The following CDKN2B-AS1 variants were observed in gnomAD, a reference collection of about 807,000 sequenced individuals.
CDKN2B-AS1 encodes the protein CDKN2B antisense RNA 1 (non-protein coding).
chr9:22,053,652 A>C lies in CDKN2B-AS1; in HGVS notation n.303-2600A>C, dbSNP rs7854869. On this transcript the variant is annotated intron_variant and non_coding_transcript_variant, in intron 3 of 4. Coordinates refer to ENST00000650946, the Ensembl canonical transcript of CDKN2B-AS1. The stretch of plus-strand genomic sequence containing the variant: ...CCACTTTCTTTCTTCCCAGTGTAAG[A>C]GAATGCAAGTATATGCTGATGTTTG... Among the ~76,000 whole-genome samples the C allele has an allele frequency of 7.1e-3, 1,087 of 152,328 alleles. 7 individuals are homozygous for C. The highest frequency in any genetic ancestry group is 0.025 in the African/African-American group (1,036 of 41,562).
chr9:22,008,169 G>T (rs757921635), intron 1 of CDKN2B-AS1, among the ~76,000 whole-genome samples: 3 of 152,156 alleles, frequency 2.0e-5, no homozygotes, highest in East Asian at 1.9e-4. Context: ...CCTAACAGTT[G>T]CTGCAGGAAT....
intron 4 of CDKN2B-AS1, among the ~76,000 whole-genome samples, chr9:22,122,144 T>C (rs377470186): frequency 4.6e-5 from 7 of 151,988 alleles, no homozygotes; most frequent in African/African-American, 1.7e-4. Context: ...CACATCTCCC[T>C]GATGATTAGG....
chr9:22,123,660 T>C (rs934526386), intron 4 of CDKN2B-AS1, among the ~76,000 whole-genome samples: 1 of 151,458 alleles, frequency 6.6e-6, no homozygotes, highest in Non-Finnish European at 1.5e-5. Flanking sequence ...CTGACATTGT[T>C]TAACTAGAAG....
At chr9:22,095,056 T>C (rs989348807) in intron 4 of CDKN2B-AS1, among the ~76,000 whole-genome samples, 4 of 145,118 alleles carry the variant, frequency 2.8e-5, no homozygotes, top group Admixed American at 6.7e-5. Context: ...TGCAGGTCTG[T>C]TGGAGTTTGC....
At position 22,006,077 on chromosome 9, in the gene CDKN2B-AS1, G is replaced by A. The variant is rs2131180708; in HGVS notation, n.29+10916G>A. The A allele has an allele frequency of 1.9e-6, 3 of 1,607,042 alleles. No homozygotes were observed. The South Asian group carries it at 3.3e-5, about 18-fold the overall frequency. On this transcript the variant is annotated intron_variant and non_coding_transcript_variant, in intron 1 of 4. Transcript: ENST00000650946. This position sits in a 1 kb window ranked among gnomAD's most constrained non-coding sequence, Gnocchi z 6.4. ...CCACGGGCAGACGACCCCAGGCATC[G>A]CGCACGTCCAGCCGCGCCCCGGCCC...
rs78651848 is a variant in CDKN2B-AS1 at position 22,087,689 on chromosome 9, A to G, written n.438+31302A>G. On this transcript the variant is annotated intron_variant and non_coding_transcript_variant, in intron 4 of 4. Coordinates refer to ENST00000650946, the Ensembl canonical transcript of CDKN2B-AS1. ...TGTTTTCCTAATTTCTGTCATTTGC[A>G]TACCACTTCTTTGATTTTGTCATAT... Among the ~76,000 whole-genome samples the G allele has an allele frequency of 9.1e-3, 1,390 of 152,314 alleles. 108 individuals are homozygous for G. In the East Asian group the frequency reaches 0.19, roughly 21 times the overall value.
chr9:22,042,242 C>A (rs951933974), intron 1 of CDKN2B-AS1, among the ~76,000 whole-genome samples: 2 of 152,052 alleles, frequency 1.3e-5, no homozygotes, highest in African/African-American at 4.8e-5. Context: ...AACATTTGTT[C>A]ATACGTTTAT....
intron 4 of CDKN2B-AS1, among the ~76,000 whole-genome samples, chr9:22,084,952 A>C (rs922801388): frequency 2.6e-5 from 4 of 152,220 alleles, no homozygotes; most frequent in Admixed American, 2.0e-4. Context: ...AGTGACAGAT[A>C]TCTAAGATAA....
chr9:22,072,405 A>G (rs1035914053), intron 4 of CDKN2B-AS1, among the ~76,000 whole-genome samples: 5 of 152,210 alleles, frequency 3.3e-5, no homozygotes, highest in African/African-American at 7.2e-5. Flanking sequence ...GAGCTTTTCA[A>G]TCTCATTTGA....
chr9:22,101,406 GATAA>G (rs201704790), intron 4 of CDKN2B-AS1, among the ~76,000 whole-genome samples: 7,264 of 152,136 alleles, frequency 0.048, 409 homozygotes, highest in African/African-American at 0.14. Flanking sequence ...CTAGAAATGT[GATAA>G]ATGGCCACAG....
At chr9:22,064,794 AC>A (rs1268028192) in intron 4 of CDKN2B-AS1, among the ~76,000 whole-genome samples, 1 of 152,164 alleles carries the variant, frequency 6.6e-6, no homozygotes, top group Non-Finnish European at 1.5e-5. Context: ...GGCCAAACAC[AC>A]AATGGTTTTC....
At position 21,995,759 on chromosome 9, in the gene CDKN2B-AS1, C is replaced by A. The variant is rs553077444; in HGVS notation, n.29+598C>A. On this transcript the variant is annotated intron_variant and non_coding_transcript_variant, in intron 1 of 4. Transcript: ENST00000650946. This position sits in a 1 kb window ranked among gnomAD's most constrained non-coding sequence, Gnocchi z 5.7. ...CGCGGTCTAAGCGAGGCTCGGCTCT[C>A]GTCCAGGAACTCGGACGCGGGCTCG... 36 of 152,372 alleles carry A rather than the reference C, an allele frequency of 2.4e-4. No individual in the cohort carries two copies. Among genetic ancestry groups the A allele is most frequent in the Admixed American group, 1.2e-3 (19 of 15,312 alleles). 9.4% of individuals were successfully genotyped at this position (152,372 alleles called of 1,614,324 possible).
intron 4 of CDKN2B-AS1, among the ~76,000 whole-genome samples, chr9:22,125,084 A>G (rs1817996797): frequency 6.6e-6 from 1 of 152,254 alleles, no homozygotes; most frequent in Non-Finnish European, 1.5e-5. Flanking sequence ...TGCTCACATC[A>G]TTTTAAGATA....
At chr9:22,125,028 C>G (rs1414992257) in intron 4 of CDKN2B-AS1, among the ~76,000 whole-genome samples, 1 of 152,260 alleles carries the variant, frequency 6.6e-6, no homozygotes, top group Non-Finnish European at 1.5e-5. Context: ...CTATGTTTCT[C>G]TCTCACATGT....
At position 22,039,550 on chromosome 9, in the gene CDKN2B-AS1, A is replaced by G. The variant is rs1348456756; in HGVS notation, n.30-7201A>G. 6.6e-6 allele frequency among the ~76,000 whole-genome samples: 1 copy of G among 152,004 alleles called. No individual in the cohort carries two copies. Among genetic ancestry groups the G allele is most frequent in the East Asian group, 1.9e-4 (1 of 5,164 alleles). ...CTTCTAGGAGGTAGAGGCCAGCATT[A>G]TTTTCTCCATTTTTGGAATGAGAAA... On this transcript the variant is annotated intron_variant and non_coding_transcript_variant, in intron 1 of 4. Transcript: ENST00000650946. The surrounding 1 kb of genome is among the most constrained non-coding windows in gnomAD (Gnocchi z 4.4).
chr9:22,060,954 G>T (rs1823792619), intron 4 of CDKN2B-AS1, among the ~76,000 whole-genome samples: 1 of 152,134 alleles, frequency 6.6e-6, no homozygotes, highest in African/African-American at 2.4e-5. Flanking sequence ...CACAAAATGT[G>T]GGAATTCTGG....
At chr9:22,019,945 G>T (rs575311446) in intron 1 of CDKN2B-AS1, among the ~76,000 whole-genome samples, 2 of 152,114 alleles carry the variant, frequency 1.3e-5, no homozygotes, top group Non-Finnish European at 2.9e-5. Context: ...AGGGTTTGTT[G>T]TACAGATTGT....
In CDKN2B-AS1 at chr9:22,000,479, G is replaced by A; in HGVS notation, n.29+5318G>A. Among the ~76,000 whole-genome samples, 1 of 152,160 alleles carries A rather than the reference G, an allele frequency of 6.6e-6. No homozygotes were observed. Among genetic ancestry groups the A allele is most frequent in the East Asian group, 1.9e-4 (1 of 5,204 alleles). ...AGCAAATAATAGAGGATGATCAAAT[G>A]TTTTTCAGAAAATATTATAGGTGGC... On this transcript the variant is annotated intron_variant and non_coding_transcript_variant, in intron 1 of 4. Coordinates refer to ENST00000650946, the Ensembl canonical transcript of CDKN2B-AS1. The surrounding 1 kb of genome is among the most constrained non-coding windows in gnomAD (Gnocchi z 4.1).
chr9:22,127,151 G>A (rs1322671294), exon 5 of CDKN2B-AS1, among the ~76,000 whole-genome samples: 1 of 151,836 alleles, frequency 6.6e-6, no homozygotes, highest in Admixed American at 6.6e-5. Flanking sequence ...GCGTGATCTC[G>A]GCTCACTGCA....
Sources: allele counts gnomAD v4.1 joint callset (sites outside exome capture counted in the v4.1 genomes callset), GRCh38; gene constraint gnomAD v4.1.1; non-coding constraint Gnocchi (gnomAD v3.1); transcripts MANE v1.5; gene names NCBI Gene and HGNC (gene_info 2026-07-23, HGNC 2026-07-21).